Variants in VAPB observed in about 807,000 individuals in gnomAD.
The protein encoded by VAPB is VAMP associated protein B and C.
Under a neutral mutation model 25.6 loss-of-function variants are expected in VAPB, and 7 were observed. The ratio of observed to expected loss-of-function variants is 0.27; its 90% confidence interval spans 0.16 to 0.51. The LOEUF (loss-of-function observed/expected upper bound fraction) is 0.51, where lower values mean the gene tolerates loss of function less well. Ranked by LOEUF, VAPB falls within the 20% of genes least tolerant of loss-of-function variation. VAPB has a pLI of 0.97. For synonymous variants in VAPB, 112 were observed against 109.2 expected (o/e 1.03, Z -0.16); for missense variants, 266 against 301.3 (o/e 0.88, Z 0.87).
At chr20:58,391,259 ACT>A (rs1398415287) in intron 1 of VAPB, among the ~76,000 whole-genome samples, 6 of 151,946 alleles carry the variant, frequency 3.9e-5, no homozygotes, top group Non-Finnish European at 8.8e-5. Context: ...TATCAGCTGT[ACT>A]CTCCTATTTT....
chr20:58,444,834 A>G lies in VAPB; in HGVS notation c.*599A>G, dbSNP rs768409926. 1 of 454,590 alleles carries G rather than the reference A, an allele frequency of 2.2e-6. No individual in the cohort carries two copies. Among genetic ancestry groups the G allele is most frequent in the Admixed American group, 2.3e-5 (1 of 42,578 alleles). The allele number at this position is 454,590 out of a possible 1,614,324, so 28.2% of individuals were successfully genotyped here. A position where few individuals can be genotyped will look rare whatever the true frequency, so the allele number is the denominator to read the frequency against. On this transcript the variant is annotated 3_prime_UTR_variant, in exon 6 of 6. Transcript: ENST00000475243. ...GAGGCGTGTGTTGACTGATTGACCCAGCGCTTTGGAAATAAATGGCAGTGC... is the reference window on the plus strand; with the variant it reads ...GAGGCGTGTGTTGACTGATTGACCCGGCGCTTTGGAAATAAATGGCAGTGC...
At chr20:58,418,470 C>T in intron 2 of VAPB, 107 bp downstream of exon 2, 5 of 1,400,076 alleles carry the variant, frequency 3.6e-6, no homozygotes, top group South Asian at 1.4e-5. Context: ...TGATAGAATT[C>T]TCTCCACCCC....
chr20:58,413,406 C>T (rs1226669747), intron 1 of VAPB, among the ~76,000 whole-genome samples: 1 of 151,950 alleles, frequency 6.6e-6, no homozygotes. Context: ...TTGCACCGCC[C>T]TTAATCCATT....
At chr20:58,421,107 G>A (rs1445795166) in intron 2 of VAPB, among the ~76,000 whole-genome samples, 7 of 152,150 alleles carry the variant, frequency 4.6e-5, no homozygotes, top group East Asian at 1.9e-4. Flanking sequence ...ATTTGAGGTC[G>A]GGAAACCTGA....
chr20:58,400,038 A>G (rs2123026624), intron 1 of VAPB, among the ~76,000 whole-genome samples: 1 of 152,352 alleles, frequency 6.6e-6, no homozygotes, highest in East Asian at 1.9e-4. Context: ...TGTTATGGCC[A>G]TCTCCATTTT....
intron 2 of VAPB, among the ~76,000 whole-genome samples, chr20:58,423,642 G>C (rs962716164): frequency 1.3e-5 from 2 of 152,118 alleles, no homozygotes; most frequent in East Asian, 3.8e-4. Context: ...GGGTATAAAC[G>C]CACAGAGCCC....
intron 1 of VAPB, among the ~76,000 whole-genome samples, chr20:58,408,699 C>T (rs1164035751): frequency 6.6e-6 from 1 of 152,012 alleles, no homozygotes; most frequent in Admixed American, 6.6e-5. Context: ...ATACCTTCAA[C>T]CTGTATATAA....
chr20:58,436,457 C>T (rs957504005), intron 3 of VAPB, among the ~76,000 whole-genome samples: 1 of 151,208 alleles, frequency 6.6e-6, no homozygotes, highest in Admixed American at 6.6e-5. Context: ...CCTCAGCCTC[C>T]CAAGTAGCTG....
In VAPB at chr20:58,446,292, G is replaced by A. The variant is rs968946869; in HGVS notation, c.*2057G>A. On this transcript the variant is annotated 3_prime_UTR_variant, in exon 6 of 6. Coordinates refer to ENST00000475243, the MANE Select transcript of VAPB (RefSeq NM_004738.5). ...TCTGCCACCTGACTTTCCGTGAGGG[G>A]ACTAAAATTTACTAATTGTAGTTGC... 2.2e-6 allele frequency: 1 copy of A among 454,074 alleles called. No individual in the cohort carries two copies. The highest frequency in any genetic ancestry group is 2.0e-5 in the African/African-American group (1 of 50,108). 28.1% of individuals were successfully genotyped at this position (454,074 alleles called of 1,614,324 possible). A position where few individuals can be genotyped will look rare whatever the true frequency, so the allele number is the denominator to read the frequency against.
At position 58,389,420 on chromosome 20, in the gene VAPB, CA is replaced by C; in HGVS notation, c.-39del. ...AACGCTTCCCGCCCCGGTGACCTCT[CA>C]GGGGTCTCCCCGCCAAAGGTGCTCC... is the stretch of plus-strand genomic sequence containing the variant. On this transcript the variant is annotated 5_prime_UTR_variant, in exon 1 of 6. Transcript: ENST00000475243. 2 of 1,568,626 alleles carry C rather than the reference CA, an allele frequency of 1.3e-6. 1 individual carries two copies. The highest frequency in any genetic ancestry group is 2.3e-5 in the South Asian group (2 of 85,266).
At chr20:58,389,542 C>T (rs747577942) in intron 1 of VAPB, 25 bp downstream of exon 1, 35 of 1,560,452 alleles carry the variant, frequency 2.2e-5, no homozygotes, top group African/African-American at 4.1e-5. Context: ...CCGCCACCTT[C>T]CTGCCCGCGG....
At chr20:58,400,795 G>A (rs1453747389) in intron 1 of VAPB, among the ~76,000 whole-genome samples, 1 of 152,186 alleles carries the variant, frequency 6.6e-6, no homozygotes, top group African/African-American at 2.4e-5. Context: ...AAAAACCAGA[G>A]GTTTGTCCTT....
chr20:58,401,608 C>T (rs182139942), intron 1 of VAPB, among the ~76,000 whole-genome samples: 13 of 149,558 alleles, frequency 8.7e-5, no homozygotes, highest in Admixed American at 5.3e-4. Context: ...TCATGCAGTC[C>T]GGTTGGTAAT....
chr20:58,441,953 G>T (rs936818286), intron 5 of VAPB, among the ~76,000 whole-genome samples: 1 of 152,154 alleles, frequency 6.6e-6, no homozygotes, highest in African/African-American at 2.4e-5. Context: ...TGAGCTTCTA[G>T]CTTCTGGATG....
intron 1 of VAPB, among the ~76,000 whole-genome samples, chr20:58,407,412 G>A (rs1309471263): frequency 6.6e-6 from 1 of 152,114 alleles, no homozygotes; most frequent in Non-Finnish European, 1.5e-5. Flanking sequence ...TGAACAAGTA[G>A]AAAATTATTT....
intron 4 of VAPB, 116 bp from the exon 5 acceptor site, chr20:58,440,791 C>A: frequency 1.1e-6 from 1 of 889,806 alleles, no homozygotes; most frequent in Non-Finnish European, 1.8e-6. Flanking sequence ...TGACATTTTA[C>A]AGTGTGGATG....
chr20:58,429,396 C>T (rs186733838), intron 2 of VAPB, among the ~76,000 whole-genome samples: 2 of 152,350 alleles, frequency 1.3e-5, no homozygotes, highest in Admixed American at 1.3e-4. Context: ...ATTGCTTACA[C>T]CCACTGCCTT....
chr20:58,443,039 A>G (rs1218855536), intron 5 of VAPB, among the ~76,000 whole-genome samples: 3 of 152,160 alleles, frequency 2.0e-5, no homozygotes, highest in African/African-American at 4.8e-5. Flanking sequence ...CTTTGAGAGC[A>G]TGGAAATGGC....
rs1568693040 is a variant in VAPB, at chr20:58,389,251, A to T, written c.-209A>T. On this transcript the variant is annotated 5_prime_UTR_variant, in exon 1 of 6. Coordinates refer to ENST00000475243, the MANE Select transcript of VAPB (RefSeq NM_004738.5). The stretch of plus-strand genomic sequence containing the variant: ...CGTGCGTGCCGTCAGCTCGCCGGGC[A>T]CCGCGGCCTCGCCCTCGCCCTCCGC... The T allele has an allele frequency of 1.5e-6, 1 of 654,982 alleles. No homozygotes were observed. Among genetic ancestry groups the T allele is most frequent in the Admixed American group, 2.1e-5 (1 of 47,376 alleles). The allele number at this position is 654,982 out of a possible 1,614,324, so 40.6% of individuals were successfully genotyped here. A position where few individuals can be genotyped will look rare whatever the true frequency, so the allele number is the denominator to read the frequency against.
Sources: gnomAD v4.1 joint callset for allele counts (sites outside exome capture counted in the v4.1 genomes callset) on GRCh38, gnomAD v4.1.1 for gene constraint, MANE v1.5 for transcripts, NCBI Gene and HGNC (gene_info 2026-07-23, HGNC 2026-07-21) for gene names.